PAK6: variants seen among roughly 807,000 people sequenced by gnomAD.
The protein encoded by PAK6 is p21 (RAC1) activated kinase 6, also known as serine/threonine-protein kinase PAK 6.
In PAK6, 33 loss-of-function variants were observed where a neutral mutation model predicts 60.8. That is an observed-to-expected ratio of 0.54 (90% CI 0.41 to 0.73). The LOEUF (loss-of-function observed/expected upper bound fraction) is 0.73. Ranked by LOEUF, PAK6 falls within the 30% of genes least tolerant of loss-of-function variation. PAK6 has a pLI of 0.00. For synonymous variants in PAK6, 404 were observed against 378.5 expected (o/e 1.07, Z -0.78); for missense variants, 845 against 904.1 (o/e 0.93, Z 0.84).
intron 3 of PAK6, chr15:40,264,065 A>C: frequency 2.4e-6 from 1 of 408,290 alleles, no homozygotes; most frequent in South Asian, 1.8e-5. Flanking sequence ...CCTTTCTGGA[A>C]TTGAGGTAAA....
chr15:40,262,428 C>T (rs3888841), intron 3 of PAK6, among the ~76,000 whole-genome samples: 8,080 of 152,112 alleles, frequency 0.053, 839 homozygotes, highest in East Asian at 0.49. Flanking sequence ...CACTTGAACC[C>T]GGGAGGTGGA....
chr15:40,266,838 TTG>T (rs534172192), intron 5 of PAK6: 62 of 245,592 alleles, frequency 2.5e-4, no homozygotes, highest in African/African-American at 1.3e-3. Context: ...CACATTTTTC[TTG>T]TGAGAAAGGA....
chr15:40,273,724 C>A, intron 9 of PAK6, 48 bp downstream of exon 9: 1 of 1,599,974 alleles, frequency 6.3e-7, no homozygotes, highest in Non-Finnish European at 8.5e-7. Flanking sequence ...AACTTGGCAA[C>A]TGGCAGCTCT....
At chr15:40,268,052 ACT>A (rs1359345508) in intron 5 of PAK6, among the ~76,000 whole-genome samples, 1 of 152,098 alleles carries the variant, frequency 6.6e-6, no homozygotes, top group Non-Finnish European at 1.5e-5. Context: ...TGTACTGAGT[ACT>A]CACCATGGGC....
intron 3 of PAK6, among the ~76,000 whole-genome samples, chr15:40,258,307 G>A (rs1409268663): frequency 1.3e-5 from 2 of 152,214 alleles, no homozygotes; most frequent in African/African-American, 4.8e-5. Context: ...AGAGGGAGAA[G>A]AACCACAGCT....
chr15:40,264,862 T>C, exon 4 of PAK6: 1 of 1,613,978 alleles, frequency 6.2e-7, no homozygotes, highest in Non-Finnish European at 8.5e-7. Flanking sequence ...CACACCTCCT[T>C]CGACCCCAAA....
At chr15:40,274,183 A>G in exon 10 of PAK6, 1 of 1,614,000 alleles carries the variant, frequency 6.2e-7, no homozygotes, top group Non-Finnish European at 8.5e-7. Context: ...TTGAGATGGT[A>G]GATGGGGAGC....
At chr15:40,248,286 A>G (rs763337584) in intron 2 of PAK6, among the ~76,000 whole-genome samples, 11 of 152,256 alleles carry the variant, frequency 7.2e-5, no homozygotes, top group Admixed American at 5.9e-4. Flanking sequence ...CAGCAGAGAG[A>G]GATGGGTGGT....
chr15:40,265,579 T>G (rs2039102836), intron 4 of PAK6, among the ~76,000 whole-genome samples: 1 of 152,214 alleles, frequency 6.6e-6, no homozygotes, highest in Non-Finnish European at 1.5e-5. Flanking sequence ...CCCCTGGGCA[T>G]GCTGGATGCA....
At chr15:40,241,986 G>A (rs1459485229) in intron 2 of PAK6, among the ~76,000 whole-genome samples, 4 of 152,218 alleles carry the variant, frequency 2.6e-5, no homozygotes, top group Admixed American at 2.6e-4. Flanking sequence ...CTGTGCCTAG[G>A]AGTCTTCCAT....
At chr15:40,246,451 G>A (rs2038496998) in intron 2 of PAK6, 1 of 152,206 alleles carries the variant, frequency 6.6e-6, no homozygotes, top group African/African-American at 2.4e-5. Context: ...CTGGGATCCA[G>A]AAAGGTGGGG....
chr15:40,245,355 C>G (rs1198631122), intron 2 of PAK6: 1 of 152,370 alleles, frequency 6.6e-6, no homozygotes, highest in East Asian at 1.9e-4. Context: ...TGCCTGGTGA[C>G]CAGGACTCCT....
intron 5 of PAK6, among the ~76,000 whole-genome samples, chr15:40,269,429 G>T (rs928334616): frequency 6.6e-6 from 1 of 152,242 alleles, no homozygotes; most frequent in Admixed American, 6.5e-5. Context: ...GGCGGGAAAT[G>T]AGGCATTGCT....
rs1423194879 is a variant in PAK6 at position 40,276,085 on chromosome 15, C to T, written c.2037C>T (p.Ser679=). Residue 679 remains serine, a synonymous_variant, in exon 11 of 11, where the codon TCC becomes TCT. Transcript: ENST00000560346. The stretch of plus-strand genomic sequence containing the variant: ...TCCAGCTCTACCGAAAGCAGACCTC[C>T]ACCTGCTGAGCCCACCCCAAGTATG... The T allele has an allele frequency of 3.7e-6, 6 of 1,613,620 alleles. No individual in the cohort carries two copies. The South Asian group carries it at 5.5e-5, about 15-fold the overall frequency.
intron 5 of PAK6, among the ~76,000 whole-genome samples, chr15:40,269,763 T>G (rs1043265611): frequency 2.0e-5 from 3 of 152,004 alleles, no homozygotes; most frequent in Non-Finnish European, 4.4e-5. Flanking sequence ...GGCTGGGCCA[T>G]CCCTCCCCCA....
chr15:40,270,807 C>G (rs192239025), intron 5 of PAK6, among the ~76,000 whole-genome samples: 22 of 152,334 alleles, frequency 1.4e-4, no homozygotes, highest in African/African-American at 5.1e-4. Context: ...AAGTCTGCCC[C>G]AGCATGGCTG....
chr15:40,242,615 G>A (rs1210557363), intron 2 of PAK6, among the ~76,000 whole-genome samples: 1 of 152,190 alleles, frequency 6.6e-6, no homozygotes, highest in Non-Finnish European at 1.5e-5. Flanking sequence ...AAGCTTCTGA[G>A]GGCAGAATGA....
rs542933076 is a variant in PAK6, at chr15:40,270,979, G to T, written c.859-1245G>T. 2.6e-5 allele frequency among the ~76,000 whole-genome samples: 4 copies of T among 152,304 alleles called. No homozygotes were observed. In the East Asian group the frequency reaches 7.7e-4, roughly 29 times the overall value. On this transcript the variant is annotated intron_variant, in intron 5 of 10. Transcript: ENST00000560346. Reference sequence around the variant, plus strand: ...CCAAGGCCCAGATTTGGGGTTTGGGGTCCCTGAGCAAGCATCCCAGCCCAA... The same window carrying T: ...CCAAGGCCCAGATTTGGGGTTTGGGTTCCCTGAGCAAGCATCCCAGCCCAA...
intron 3 of PAK6, among the ~76,000 whole-genome samples, chr15:40,256,146 G>A (rs2038827592): frequency 6.6e-6 from 1 of 152,202 alleles, no homozygotes; most frequent in Admixed American, 6.5e-5. Context: ...GGTGGGTTGA[G>A]GCCAGACGTT....
Sources: allele counts gnomAD v4.1 joint callset (sites outside exome capture counted in the v4.1 genomes callset), GRCh38; gene constraint gnomAD v4.1.1; transcripts MANE v1.5; gene names NCBI Gene and HGNC (gene_info 2026-07-23, HGNC 2026-07-21).